Variants in GCNT2 observed in about 807,000 individuals in gnomAD.
GCNT2 encodes the protein glucosaminyl (N-acetyl) transferase 2 (I blood group).
A neutral mutation model predicts 34.2 loss-of-function variants in GCNT2; 34 were observed. That is an observed-to-expected ratio of 1.00 (90% CI 0.76 to 1.32). The LOEUF (loss-of-function observed/expected upper bound fraction) is 1.32. Among genes scored for constraint, GCNT2 ranks in the 40% most tolerant of loss-of-function variants. The pLI is 0.00. For missense variants in GCNT2, 584 were observed against 489.4 expected, an observed-to-expected ratio of 1.19 and a Z score of -1.82; for synonymous variants, 212 against 188.0, an observed-to-expected ratio of 1.13 and a Z score of -1.04.
intron 4 of GCNT2, chr6:10,621,695 TC>T (rs1214092006): frequency 4.5e-6 from 2 of 444,636 alleles, no homozygotes; most frequent in Non-Finnish European, 8.4e-6. Flanking sequence ...ATGTTTTTCT[TC>T]CTGCTAGTTT....
rs1216029284 is a variant in GCNT2 at position 10,582,395 on chromosome 6, C to G, written c.926-38956C>G. Among the ~76,000 whole-genome samples the G allele has an allele frequency of 2.6e-4, 29 of 113,108 alleles. 1 individual carries two copies. The highest frequency in any genetic ancestry group is 1.1e-3 in the African/African-American group (28 of 26,260). The allele number at this position is 113,108 out of a possible 152,430, so 74.2% of individuals were successfully genotyped here. On this transcript the variant is annotated intron_variant, in intron 3 of 4. Coordinates refer to ENST00000495262, the MANE Select transcript of GCNT2 (RefSeq NM_145649.5). ...ACTATAATTTAATATTTATTATATA[C>G]TATAATAAATAGTATAATATTTATT...
intron 1 of GCNT2, among the ~76,000 whole-genome samples, chr6:10,523,238 T>C (rs1032082810): frequency 2.0e-5 from 3 of 151,920 alleles, no homozygotes; most frequent in Admixed American, 2.0e-4. Flanking sequence ...CCTACCAGCA[T>C]GGTGAAACCC....
intron 3 of GCNT2, among the ~76,000 whole-genome samples, chr6:10,582,222 TTATA>T (rs1329811506): frequency 1.9e-5 from 2 of 106,236 alleles, no homozygotes; most frequent in Non-Finnish European, 3.9e-5. Context: ...ATATATATAA[TTATA>T]TATATTTAAA....
At chr6:10,620,255 G>A (rs1290089674) in intron 3 of GCNT2, among the ~76,000 whole-genome samples, 1 of 152,142 alleles carries the variant, frequency 6.6e-6, no homozygotes. Flanking sequence ...GAGGACTATT[G>A]AAATTTGGGT....
At chr6:10,617,796 C>T (rs1581490590) in intron 3 of GCNT2, among the ~76,000 whole-genome samples, 1 of 137,120 alleles carries the variant, frequency 7.3e-6, no homozygotes, top group African/African-American at 3.0e-5. Flanking sequence ...ACTCTGTTGC[C>T]CAGGCTGGAG....
At chr6:10,582,686 C>T (rs925635681) in intron 3 of GCNT2, among the ~76,000 whole-genome samples, 3 of 146,998 alleles carry the variant, frequency 2.0e-5, no homozygotes, top group Non-Finnish European at 3.0e-5. Flanking sequence ...ATTTAACCTC[C>T]GGGAATAAAG....
At chr6:10,538,427 A>T (rs1344924199) in intron 3 of GCNT2, among the ~76,000 whole-genome samples, 37 of 129,508 alleles carry the variant, frequency 2.9e-4, no homozygotes, top group African/African-American at 1.2e-3. Flanking sequence ...AAAAAAAAAA[A>T]AAAAAAAAAA....
chr6:10,547,988 C>A (rs554743632), intron 3 of GCNT2, among the ~76,000 whole-genome samples: 2 of 152,196 alleles, frequency 1.3e-5, no homozygotes, highest in African/African-American at 2.4e-5. Context: ...CCCAGTGATT[C>A]TTTTTGGCAC....
intron 3 of GCNT2, among the ~76,000 whole-genome samples, chr6:10,569,829 C>CTTCT (rs1222948613): frequency 6.8e-6 from 1 of 146,802 alleles, no homozygotes; most frequent in African/African-American, 2.6e-5. Flanking sequence ...GGATTTCTTC[C>CTTCT]TTCCTTCCTT....
At chr6:10,565,846 C>G (rs1317593870) in intron 3 of GCNT2, among the ~76,000 whole-genome samples, 2 of 152,170 alleles carry the variant, frequency 1.3e-5, no homozygotes, top group Non-Finnish European at 2.9e-5. Context: ...TTTCCCTGTT[C>G]CGTGCTTTAA....
At chr6:10,555,672 C>G (rs1762665441) in intron 3 of GCNT2, 1 of 908,764 alleles carries the variant, frequency 1.1e-6, no homozygotes, top group African/African-American at 1.8e-5. Context: ...GAGCCCAAGG[C>G]GCCCCAGCAA....
intron 3 of GCNT2, among the ~76,000 whole-genome samples, chr6:10,560,568 A>G (rs1326760419): frequency 6.6e-6 from 1 of 152,212 alleles, no homozygotes; most frequent in Non-Finnish European, 1.5e-5. Context: ...GACCCTGTGC[A>G]GGCATTTCAG....
intron 3 of GCNT2, among the ~76,000 whole-genome samples, chr6:10,543,820 G>C (rs1412344081): frequency 6.6e-6 from 1 of 152,244 alleles, no homozygotes; most frequent in East Asian, 1.9e-4. Context: ...CTGAGATATG[G>C]AGTCTGTATT....
intron 3 of GCNT2, among the ~76,000 whole-genome samples, chr6:10,588,091 C>T (rs1764436733): frequency 1.3e-5 from 2 of 152,152 alleles, no homozygotes; most frequent in South Asian, 4.1e-4. Context: ...AAGAGCTAAA[C>T]TAGAGTGGTG....
chr6:10,581,917 A>G (rs1764083208), intron 3 of GCNT2: 8 of 969,084 alleles, frequency 8.3e-6, no homozygotes, highest in Admixed American at 6.2e-5. Context: ...CCCTTCATAC[A>G]GTCACATTTC....
chr6:10,573,512 A>C lies in GCNT2; in HGVS notation c.925+43676A>C, dbSNP rs1371580989. Among the ~76,000 whole-genome samples, 5 of 152,324 alleles carry C rather than the reference A, an allele frequency of 3.3e-5. No individual in the cohort carries two copies. In the East Asian group the frequency reaches 9.6e-4, roughly 29 times the overall value. ...AGTTGGGGTGGGGGCAGGTAGTGTCACAGACAGAGAAGCCATAGCAAGCTT... is the reference window on the plus strand; with the variant it reads ...AGTTGGGGTGGGGGCAGGTAGTGTCCCAGACAGAGAAGCCATAGCAAGCTT... On this transcript the variant is annotated intron_variant, in intron 3 of 4. Coordinates refer to ENST00000495262, the MANE Select transcript of GCNT2 (RefSeq NM_145649.5).
chr6:10,586,836 G>T, intron 3 of GCNT2: 1 of 1,612,680 alleles, frequency 6.2e-7, no homozygotes, highest in Non-Finnish European at 8.5e-7. Flanking sequence ...TGACCAAAGG[G>T]CCATTGATCT....
chr6:10,574,924 C>T (rs540077550), intron 3 of GCNT2: 4 of 710,988 alleles, frequency 5.6e-6, no homozygotes, highest in Non-Finnish European at 1.0e-5. Context: ...GAAGCTAGCT[C>T]GGCTCTTAGA....
At chr6:10,561,362 G>T (rs1037482554) in intron 3 of GCNT2, among the ~76,000 whole-genome samples, 6 of 152,066 alleles carry the variant, frequency 3.9e-5, no homozygotes, top group African/African-American at 1.4e-4. Context: ...GGGTTTCTCC[G>T]TGTTGGTCAG....
Sources: allele counts gnomAD v4.1 joint callset (sites outside exome capture counted in the v4.1 genomes callset), GRCh38; gene constraint gnomAD v4.1.1; transcripts MANE v1.5; gene names NCBI Gene and HGNC (gene_info 2026-07-23, HGNC 2026-07-21).